Variants in RNF17 observed in about 807,000 individuals in gnomAD.
The protein encoded by RNF17 is spermatogenesis associated 23.
A neutral mutation model predicts 200.5 loss-of-function variants in RNF17; 31 were observed. That is an observed-to-expected ratio of 0.15 (90% CI 0.12 to 0.21). The LOEUF is 0.21. RNF17 is among the 10% of genes least tolerant of loss of function. The pLI is 1.00. For missense variants in RNF17, 1,628 were observed against 1,905.1 expected (o/e 0.85, Z 2.71); for synonymous variants, 606 against 637.8 (o/e 0.95, Z 0.75).
In RNF17 at chr13:24,787,857, T is replaced by C. The variant is rs1388204619; in HGVS notation, c.612-131T>C. ...ACCCTTTCAGATACAGTTCAGTTAC[T>C]GTTTGCCTCATTTAACCATATTATG... On this transcript the variant is annotated intron_variant, in intron 6 of 35. Coordinates refer to ENST00000255324, the MANE Select transcript of RNF17 (RefSeq NM_031277.3). 3 of 579,246 alleles carry C rather than the reference T, an allele frequency of 5.2e-6. No homozygotes were observed. The East Asian group carries it at 9.3e-5, about 18-fold the overall frequency. The allele number at this position is 579,246 out of a possible 1,614,324, so 35.9% of individuals were successfully genotyped here.
At chr13:24,766,774 A>G (rs1879758191) in intron 1 of RNF17, among the ~76,000 whole-genome samples, 1 of 152,220 alleles carries the variant, frequency 6.6e-6, no homozygotes, top group Non-Finnish European at 1.5e-5. Context: ...TAACAAATAA[A>G]ATGTGTCAGA....
rs1236218722 is a variant in RNF17 at position 24,782,593 on chromosome 13, G to A, written c.611+649G>A. Among the ~76,000 whole-genome samples the A allele has an allele frequency of 2.5e-5, 3 of 118,198 alleles. No individual in the cohort carries two copies. The East Asian group carries it at 7.6e-4, about 30-fold the overall frequency. 77.5% of individuals were successfully genotyped at this position (118,198 alleles called of 152,430 possible). ...TGATCATCCTGTCTAAGCTCACTTTGGGAGGCTGAGATGGGGGGGGGATCT... is the reference window on the plus strand; with the variant it reads ...TGATCATCCTGTCTAAGCTCACTTTAGGAGGCTGAGATGGGGGGGGGATCT... On this transcript the variant is annotated intron_variant, in intron 6 of 35. Transcript: ENST00000255324.
At chr13:24,781,792 A>G (rs903538588) in intron 5 of RNF17, 52 bp from the exon 6 acceptor site, 3 of 1,348,368 alleles carry the variant, frequency 2.2e-6, no homozygotes, top group African/African-American at 3.0e-5. Context: ...TACAACTTCT[A>G]CAAAATAAAA....
chr13:24,783,508 A>G (rs1882708501), intron 6 of RNF17, among the ~76,000 whole-genome samples: 1 of 152,164 alleles, frequency 6.6e-6, no homozygotes, highest in Admixed American at 6.5e-5. Context: ...TAAGTGTTCC[A>G]ATCTATGCAC....
chr13:24,824,567 A>G (rs908151362), intron 15 of RNF17, among the ~76,000 whole-genome samples: 3 of 152,144 alleles, frequency 2.0e-5, no homozygotes, highest in Admixed American at 2.0e-4. Flanking sequence ...TTTTGGTAGT[A>G]TAGGAAACTT....
At chr13:24,854,312 AT>A (rs144822967) in intron 25 of RNF17, among the ~76,000 whole-genome samples, 168 bp downstream of exon 25, 12 of 152,342 alleles carry the variant, frequency 7.9e-5, no homozygotes, top group Non-Finnish European at 1.5e-4. Context: ...CATAAAAATC[AT>A]TTAATGCAGT....
At position 24,842,179 on chromosome 13, in the gene RNF17, C is replaced by T. The variant is rs779381470; in HGVS notation, c.2603+18C>T. The T allele has an allele frequency of 1.3e-6, 2 of 1,572,684 alleles. No individual in the cohort carries two copies. Among genetic ancestry groups the T allele is most frequent in the South Asian group, 2.4e-5 (2 of 84,572 alleles). On this transcript the variant is annotated intron_variant, in intron 19 of 35. Transcript: ENST00000255324. ...GAAATAGGGTAAGTAGATATGTAAACTTTCATTGTTAGTTCATGTTCTTAT... is the reference window on the plus strand; with the variant it reads ...GAAATAGGGTAAGTAGATATGTAAATTTTCATTGTTAGTTCATGTTCTTAT...
intron 16 of RNF17, among the ~76,000 whole-genome samples, chr13:24,828,222 G>A (rs1183183837): frequency 8.5e-6 from 1 of 117,694 alleles, no homozygotes; most frequent in African/African-American, 3.2e-5. Flanking sequence ...GGAAGATGGA[G>A]TGTGCATGGT....
intron 15 of RNF17, among the ~76,000 whole-genome samples, chr13:24,808,923 T>C (rs1387343439): frequency 2.8e-5 from 4 of 144,750 alleles, no homozygotes; most frequent in African/African-American, 7.7e-5. Context: ...TTGTCTTTGG[T>C]TCTGTTTATA....
chr13:24,751,523 C>T, the RNF17 span: 2 of 152,104 alleles, frequency 1.3e-5, no homozygotes, highest in Non-Finnish European at 2.9e-5. Context: ...ACAGGAGACA[C>T]TTCTACTTTT....
intron 17 of RNF17, among the ~76,000 whole-genome samples, chr13:24,831,537 C>T (rs933700112): frequency 2.0e-5 from 3 of 152,206 alleles, no homozygotes; most frequent in African/African-American, 4.8e-5. Context: ...TCTGTGCTTT[C>T]AGCAGTTATA....
At chr13:24,885,667 T>C in the RNF17 span, 407 of 1,610,744 alleles carry the variant, frequency 2.5e-4, no homozygotes, top group Non-Finnish European at 2.8e-4. Context: ...TCGAGGTGGA[T>C]TGCCTATTAG....
At chr13:24,863,156 C>CGAT (rs1893266080) in intron 28 of RNF17, among the ~76,000 whole-genome samples, 2 of 152,072 alleles carry the variant, frequency 1.3e-5, no homozygotes, top group Non-Finnish European at 1.5e-5. Context: ...TTCTGGGAGT[C>CGAT]TATCATGATC....
At position 24,869,934 on chromosome 13, in the gene RNF17, A is replaced by ATTTT. The variant is rs34196797; in HGVS notation, c.4279-615_4279-612dup. Among the ~76,000 whole-genome samples, 79 of 83,772 alleles carry ATTTT rather than the reference A, an allele frequency of 9.4e-4. 1 individual carries two copies. Among genetic ancestry groups the ATTTT allele is most frequent in the African/African-American group, 1.6e-3 (33 of 20,052 alleles). The allele number at this position is 83,772 out of a possible 152,430, so 55.0% of individuals were successfully genotyped here. ...AGGCATGTACTACCATGCCCAGCTA[A>ATTTT]TTTTTTTTTTTTTTTTTTTTTTTTT... On this transcript the variant is annotated intron_variant, in intron 31 of 35. Coordinates refer to ENST00000255324, the MANE Select transcript of RNF17 (RefSeq NM_031277.3).
intron 27 of RNF17, among the ~76,000 whole-genome samples, chr13:24,861,749 A>T (rs145494560): frequency 8.5e-5 from 13 of 152,358 alleles, no homozygotes; most frequent in Non-Finnish European, 1.6e-4. Context: ...TTAGTGGTCT[A>T]AAACAACAAT....
At chr13:24,853,591 T>G (rs896624972) in intron 24 of RNF17, among the ~76,000 whole-genome samples, 23 of 152,180 alleles carry the variant, frequency 1.5e-4, no homozygotes, top group East Asian at 1.9e-4. Flanking sequence ...TGTACAATGC[T>G]TGAGATATAC....
At chr13:24,849,507 A>G (rs1891616245) in intron 22 of RNF17, among the ~76,000 whole-genome samples, 1 of 152,212 alleles carries the variant, frequency 6.6e-6, no homozygotes, top group Admixed American at 6.5e-5. Flanking sequence ...TGTGTGGCCC[A>G]AAATAATTCT....
At chr13:24,754,721 C>G in the RNF17 span, among the ~76,000 whole-genome samples, 1 of 151,992 alleles carries the variant, frequency 6.6e-6, no homozygotes, top group African/African-American at 2.4e-5. Context: ...GAGCCACCAT[C>G]TCTGCAGAAA....
At chr13:24,781,999 G>C in intron 6 of RNF17, 55 bp downstream of exon 6, 1 of 1,086,526 alleles carries the variant, frequency 9.2e-7, no homozygotes, top group Non-Finnish European at 1.4e-6. Flanking sequence ...ACACTAACTT[G>C]TCATTGTATT....
Sources: allele counts gnomAD v4.1 joint callset (sites outside exome capture counted in the v4.1 genomes callset), GRCh38; gene constraint gnomAD v4.1.1; transcripts MANE v1.5; gene names NCBI Gene and HGNC (gene_info 2026-07-23, HGNC 2026-07-21).